The following NIBAN1 variants were observed in gnomAD, a reference collection of about 807,000 sequenced individuals.
NIBAN1 encodes the protein protein Niban 1.
NIBAN1 carries 81 observed loss-of-function variants against 75.1 expected under a neutral mutation model. That is an observed-to-expected ratio of 1.08 (90% CI 0.90 to 1.30). The LOEUF is 1.30. Ranked by LOEUF, NIBAN1 falls within the 50% of genes most tolerant of loss-of-function variation. The pLI is 0.00. For synonymous variants in NIBAN1, 436 were observed against 424.8 expected, an observed-to-expected ratio of 1.03 and a Z score of -0.32; for missense variants, 1,133 against 1,128.1, an observed-to-expected ratio of 1.00 and a Z score of -0.06.
In NIBAN1 at chr1:184,869,822, G is replaced by A. The variant is rs1460698033; in HGVS notation, c.601+14811C>T. Among the ~76,000 whole-genome samples the A allele has an allele frequency of 2.6e-5, 4 of 152,248 alleles. No individual in the cohort carries two copies. The East Asian group carries it at 5.8e-4, about 22-fold the overall frequency. ...CTCCCAACGTGCTAGGATTACGGGCGTGAGCCACTGCGCTCGGCCCACCAT... is the reference window on the plus strand; with the variant it reads ...CTCCCAACGTGCTAGGATTACGGGCATGAGCCACTGCGCTCGGCCCACCAT... On this transcript the variant is annotated intron_variant, in intron 5 of 13. Transcript: ENST00000367511.
intron 8 of NIBAN1, among the ~76,000 whole-genome samples, chr1:184,822,770 T>C (rs544130087): frequency 1.5e-4 from 23 of 152,354 alleles, no homozygotes; most frequent in African/African-American, 3.6e-4. Flanking sequence ...AGTCTGTATA[T>C]GCCAGGCGTG....
intron 1 of NIBAN1, among the ~76,000 whole-genome samples, chr1:184,912,099 C>T (rs567159448): frequency 2.4e-4 from 37 of 152,142 alleles, no homozygotes; most frequent in South Asian, 1.0e-3. Flanking sequence ...TTAATTCTAC[C>T]TATCATTCTG....
At chr1:184,960,470 A>G (rs4651245) in intron 1 of NIBAN1, among the ~76,000 whole-genome samples, 82,639 of 152,040 alleles carry the variant, frequency 0.54, 23,953 homozygotes, top group Non-Finnish European at 0.65. Flanking sequence ...TGCATTAAGC[A>G]AATATTTATC....
intron 1 of NIBAN1, among the ~76,000 whole-genome samples, chr1:184,932,663 G>A (rs887761632): frequency 6.6e-6 from 1 of 152,174 alleles, no homozygotes; most frequent in South Asian, 2.1e-4. Flanking sequence ...AGAACACATG[G>A]AAAGTCATAG....
chr1:184,880,469 T>G (rs1030833779), intron 5 of NIBAN1, among the ~76,000 whole-genome samples: 1 of 152,218 alleles, frequency 6.6e-6, no homozygotes, highest in Admixed American at 6.5e-5. Flanking sequence ...CAAAGCCCCT[T>G]ATAGCATGGA....
At chr1:184,936,864 G>C (rs138954535) in intron 1 of NIBAN1, among the ~76,000 whole-genome samples, 412 of 152,202 alleles carry the variant, frequency 2.7e-3, no homozygotes, top group African/African-American at 9.4e-3. Flanking sequence ...ATTAGGACCT[G>C]ACATCTTTGG....
chr1:184,971,467 C>T (rs1314206190), intron 1 of NIBAN1, among the ~76,000 whole-genome samples: 1 of 151,642 alleles, frequency 6.6e-6, no homozygotes, highest in African/African-American at 2.4e-5. Flanking sequence ...GTCAGGAGAT[C>T]GAAGCCATCC....
intron 1 of NIBAN1, among the ~76,000 whole-genome samples, chr1:184,968,357 C>T (rs1349151826): frequency 6.6e-6 from 1 of 152,182 alleles, no homozygotes; most frequent in Non-Finnish European, 1.5e-5. Context: ...ATTATTGATA[C>T]TAGCAACTCC....
At chr1:184,911,578 C>T (rs1401327727) in intron 1 of NIBAN1, among the ~76,000 whole-genome samples, 2 of 152,102 alleles carry the variant, frequency 1.3e-5, no homozygotes, top group African/African-American at 4.8e-5. Flanking sequence ...CCATAAGGCT[C>T]CCTGGGAAAA....
chr1:184,795,672 C>T lies in NIBAN1; in HGVS notation c.2092G>A (p.Glu698Lys), dbSNP rs770671120. Residue 698 changes from glutamate (E) to lysine (K), a missense_variant, in exon 14 of 14, where the codon GAA (glutamate) becomes AAA (lysine). By Grantham distance (56) the Glu-to-Lys change is moderately conservative. Coordinates refer to ENST00000367511, the MANE Select transcript of NIBAN1 (RefSeq NM_052966.4). ...GAGGCAGTGATGGGTTCTGGCTCTT[C>T]CTGGGCGGGTTCTTCATCCTCAAGG... The part of the protein sequence containing the change: ...GTLEDEEPAQ[E>K]EPEPITASGS... The T allele has an allele frequency of 6.2e-6, 10 of 1,614,174 alleles. No homozygotes were observed. Among genetic ancestry groups the T allele is most frequent in the Non-Finnish European group, 8.5e-6 (10 of 1,180,040 alleles).
At chr1:184,828,844 C>A (rs111487164) in intron 6 of NIBAN1, among the ~76,000 whole-genome samples, 15 of 151,842 alleles carry the variant, frequency 9.9e-5, no homozygotes, top group African/African-American at 3.4e-4. Context: ...CTCTCTGTTG[C>A]CCAGTGTAGT....
intron 1 of NIBAN1, among the ~76,000 whole-genome samples, chr1:184,918,868 T>C (rs546261618): frequency 7.9e-5 from 12 of 152,324 alleles, no homozygotes; most frequent in East Asian, 7.7e-4. Flanking sequence ...ACAGAATTGA[T>C]ATTAGCTGTA....
intron 10 of NIBAN1, among the ~76,000 whole-genome samples, chr1:184,807,759 C>T (rs570086547): frequency 4.3e-4 from 65 of 152,284 alleles, no homozygotes; most frequent in Middle Eastern, 3.4e-3. Context: ...TGCCACTGCA[C>T]GCCAGCCTGG....
In NIBAN1 at chr1:184,795,268, A is replaced by G. The variant is rs1420541773; in HGVS notation, c.2496T>C (p.Cys832=). 6.2e-7 allele frequency: 1 copy of G among 1,613,132 alleles called. No individual in the cohort carries two copies. Among genetic ancestry groups the G allele is most frequent in the Non-Finnish European group, 8.5e-7 (1 of 1,180,038 alleles). The change falls in exon 14 of 14, where the codon TGT becomes TGC. Residue 832 remains cysteine (C), a synonymous_variant. Transcript: ENST00000367511. ...LTAHEGRGGK[C]TEEGDASQQE... is the part of the protein sequence containing the mutation. ...GCTGTGAGGCATCCCCTTCCTCGGT[A>G]CACTTGCCCCCTCTTCCTTCATGGG... is the stretch of plus-strand genomic sequence containing the variant.
At chr1:184,833,850 T>A (rs1655063157) in intron 5 of NIBAN1, among the ~76,000 whole-genome samples, 1 of 151,100 alleles carries the variant, frequency 6.6e-6, no homozygotes, top group Non-Finnish European at 1.5e-5. Flanking sequence ...TTTTTGAAAA[T>A]TTTTTCTTTT....
intron 2 of NIBAN1, among the ~76,000 whole-genome samples, chr1:184,895,619 G>A (rs369994025): frequency 2.6e-5 from 4 of 151,858 alleles, no homozygotes; most frequent in South Asian, 2.1e-4. Flanking sequence ...TGGGTATTAC[G>A]TGTAACGGTG....
chr1:184,815,716 C>T (rs965157148), intron 9 of NIBAN1, among the ~76,000 whole-genome samples: 3 of 152,126 alleles, frequency 2.0e-5, no homozygotes, highest in Non-Finnish European at 4.4e-5. Context: ...AAAATGAAGG[C>T]CCAGTGTAGG....
At chr1:184,959,285 C>T (rs1175654923) in intron 1 of NIBAN1, among the ~76,000 whole-genome samples, 1 of 152,236 alleles carries the variant, frequency 6.6e-6, no homozygotes, top group African/African-American at 2.4e-5. Context: ...AGTACAGCTA[C>T]ATTCTGCCTA....
At chr1:184,836,173 G>C (rs1307879815) in intron 5 of NIBAN1, among the ~76,000 whole-genome samples, 4 of 152,196 alleles carry the variant, frequency 2.6e-5, no homozygotes, top group Non-Finnish European at 5.9e-5. Context: ...AGGGGATTGT[G>C]ATATGGGGCT....
Sources: gnomAD v4.1 joint callset for allele counts (sites outside exome capture counted in the v4.1 genomes callset) on GRCh38, gnomAD v4.1.1 for gene constraint, MANE v1.5 for transcripts, NCBI Gene and HGNC (gene_info 2026-07-23, HGNC 2026-07-21) for gene names.